LRP2BP: variants seen among roughly 807,000 people sequenced by gnomAD.
The protein encoded by LRP2BP is LRP2 binding protein, also known as LRP2-binding protein.
In LRP2BP, 38 loss-of-function variants were observed where a neutral mutation model predicts 45.2. The observed-to-expected ratio is 0.84, with a 90% CI of 0.65 to 1.10. LRP2BP has a LOEUF of 1.10. LRP2BP is among the 50% of genes least tolerant of loss of function. The pLI is 0.00. For missense variants in LRP2BP, 385 were observed against 418.9 expected, an observed-to-expected ratio of 0.92 and a Z score of 0.71; for synonymous variants, 153 against 153.9, an observed-to-expected ratio of 0.99 and a Z score of 0.04.
intron 3 of LRP2BP, among the ~76,000 whole-genome samples, chr4:185,376,412 G>A: frequency 6.6e-6 from 1 of 150,546 alleles, no homozygotes; most frequent in East Asian, 1.9e-4. Flanking sequence ...AAGTAGCTGG[G>A]ATTACAGATG....
chr4:185,387,465 A>C (rs529530289), intron 1 of LRP2BP, among the ~76,000 whole-genome samples: 47 of 152,286 alleles, frequency 3.1e-4, no homozygotes, highest in African/African-American at 1.1e-3. Context: ...AGTAAAATAT[A>C]ACACTGTTCA....
rs535740147 is a variant in LRP2BP, at chr4:185,377,947, A to G, written c.106+134T>C. On this transcript the variant is annotated intron_variant, in intron 2 of 8. Transcript: ENST00000505916. ...GCAATTTCACAGATTCTTGCGGGAA[A>G]ACTCAAAAGGACTAATGATTAACCA... 8 of 705,322 alleles carry G rather than the reference A, an allele frequency of 1.1e-5. No homozygotes were observed. In the South Asian group the frequency reaches 1.4e-4, roughly 12 times the overall value. The allele number at this position is 705,322 out of a possible 1,614,324, so 43.7% of individuals were successfully genotyped here. A position where few individuals can be genotyped will look rare whatever the true frequency, so the allele number is the denominator to read the frequency against.
intron 8 of LRP2BP, 25 bp downstream of exon 8, chr4:185,370,615 A>G: frequency 6.2e-7 from 1 of 1,605,352 alleles, no homozygotes; most frequent in Non-Finnish European, 8.5e-7. Context: ...CTTTGGGTGA[A>G]TTTATATTTT....
chr4:185,367,355 A>G (rs2095392210), intron 8 of LRP2BP, 110 bp from the exon 9 acceptor site: 1 of 920,346 alleles, frequency 1.1e-6, no homozygotes, highest in South Asian at 1.7e-5. Flanking sequence ...AAGTACAGTG[A>G]ATTTCAAGAA....
chr4:185,364,753 A>G lies in LRP2BP; in HGVS notation c.*2427T>C, dbSNP rs1185161357. The G allele has an allele frequency of 1.3e-5, 2 of 152,212 alleles. No homozygotes were observed. The highest frequency in any genetic ancestry group is 2.4e-5 in the African/African-American group (1 of 41,466). The allele number at this position is 152,212 out of a possible 1,614,324, so 9.4% of individuals were successfully genotyped here. On this transcript the variant is annotated 3_prime_UTR_variant, in exon 9 of 9. Coordinates refer to ENST00000505916, the MANE Select transcript of LRP2BP (RefSeq NM_001377440.1). ...GATAAAAATTATCCTTCAAAAGACT[A>G]TATAGAAAAGACCAGATAAAATACA...
At chr4:185,378,597 A>C in intron 1 of LRP2BP, 2 of 996,124 alleles carry the variant, frequency 2.0e-6, no homozygotes, top group Non-Finnish European at 2.4e-6. Flanking sequence ...TGTAACTGAC[A>C]CTCATCGGAC....
At chr4:185,370,945 C>G (rs1258900850) in intron 7 of LRP2BP, 131 bp from the exon 8 acceptor site, 1 of 996,944 alleles carries the variant, frequency 1.0e-6, no homozygotes, top group Non-Finnish European at 1.5e-6. Flanking sequence ...AAGTTGTTTG[C>G]TGTGTGGGGA....
chr4:185,382,298 G>C (rs1414611448), intron 1 of LRP2BP, among the ~76,000 whole-genome samples: 1 of 152,106 alleles, frequency 6.6e-6, no homozygotes, highest in African/African-American at 2.4e-5. Context: ...TCCAGCTTTG[G>C]CCTATTATGA....
At chr4:185,396,916 G>T (rs368996821), upstream of LRP2BP, 6 of 1,613,434 alleles carry the variant, frequency 3.7e-6, no homozygotes, top group African/African-American at 8.0e-5. Context: ...ATCTGCCTTA[G>T]GCGGGAAATG....
At chr4:185,379,050 C>G (rs2095447492) in intron 1 of LRP2BP, 8 of 843,652 alleles carry the variant, frequency 9.5e-6, no homozygotes, top group Non-Finnish European at 1.1e-5. Flanking sequence ...AAAAAAGGAA[C>G]ATTTAGTAGG....
rs78263214 is a variant in LRP2BP, at chr4:185,376,902, A to G, written c.216+7T>C. The G allele has an allele frequency of 2.6e-3, 4,145 of 1,591,542 alleles. 102 individuals carry two copies. The African/African-American group carries it at 0.05, about 19-fold the overall frequency. ...GGAAATGAAAACGAATAAACAAAAA[A>G]TGATACCTCTTCAAAATATAGTTGA... On this transcript the variant is annotated splice_region_variant and intron_variant, in intron 3 of 8. Transcript: ENST00000505916.
In LRP2BP at chr4:185,378,794, G is replaced by C. The variant is rs1055675869; in HGVS notation, c.-21-587C>G. On this transcript the variant is annotated intron_variant, in intron 1 of 8. Coordinates refer to ENST00000505916, the MANE Select transcript of LRP2BP (RefSeq NM_001377440.1). Reference sequence around the variant, plus strand: ...CCTCATTTGGGGTGAAGGAGTCCAGGTTGGCCTAGGCTGAGGGTAGTGAGA... The same window carrying C: ...CCTCATTTGGGGTGAAGGAGTCCAGCTTGGCCTAGGCTGAGGGTAGTGAGA... The C allele has an allele frequency of 3.0e-6, 3 of 985,324 alleles. No homozygotes were observed. The African/African-American group carries it at 5.2e-5, about 17-fold the overall frequency. The allele number at this position is 985,324 out of a possible 1,614,324, so 61.0% of individuals were successfully genotyped here.
At chr4:185,386,796 C>T (rs2095473014) in intron 1 of LRP2BP, among the ~76,000 whole-genome samples, 1 of 152,170 alleles carries the variant, frequency 6.6e-6, no homozygotes, top group Non-Finnish European at 1.5e-5. Context: ...AAAGGACTAG[C>T]TAGTGGTGAC....
At chr4:185,374,527 C>A in intron 4 of LRP2BP, 66 bp from the exon 5 acceptor site, 1 of 1,558,530 alleles carries the variant, frequency 6.4e-7, no homozygotes, top group East Asian at 2.2e-5. Flanking sequence ...TTTCTTTCTC[C>A]CAATAAGGCT....
At chr4:185,392,640 G>T (rs1223530515) in intron 1 of LRP2BP, among the ~76,000 whole-genome samples, 2 of 151,824 alleles carry the variant, frequency 1.3e-5, no homozygotes, top group African/African-American at 4.8e-5. Flanking sequence ...GGAAATTCCA[G>T]ATCTGGTTAT....
intron 7 of LRP2BP, among the ~76,000 whole-genome samples, chr4:185,371,459 G>A (rs370461788): frequency 2.7e-5 from 4 of 150,556 alleles, no homozygotes; most frequent in East Asian, 3.9e-4. Flanking sequence ...GGAGAATGGC[G>A]TGAACCCGGA....
intron 1 of LRP2BP, 175 bp from the exon 2 acceptor site, chr4:185,378,382 C>G: frequency 7.2e-7 from 1 of 1,393,044 alleles, no homozygotes. Flanking sequence ...CACCAAGACC[C>G]TCCTCCCTAG....
rs79393562 is a variant in LRP2BP at position 185,379,070 on chromosome 4, T to C, written c.-21-863A>G. 3.0e-3 allele frequency: 1,942 copies of C among 647,690 alleles called. 6 individuals are homozygous for C. The highest frequency in any genetic ancestry group is 4.4e-3 in the Admixed American group (69 of 15,836). 40.1% of individuals were successfully genotyped at this position (647,690 alleles called of 1,614,324 possible). On this transcript the variant is annotated intron_variant, in intron 1 of 8. Transcript: ENST00000505916. ...AGGAACATTTAGTAGGGGAAAAAAATCACTGAATTATCTTTGTGATTTTGG... is the reference window on the plus strand; with the variant it reads ...AGGAACATTTAGTAGGGGAAAAAAACCACTGAATTATCTTTGTGATTTTGG...
chr4:185,390,126 G>A (rs1014885801), intron 1 of LRP2BP, among the ~76,000 whole-genome samples: 1 of 152,056 alleles, frequency 6.6e-6, no homozygotes, highest in Non-Finnish European at 1.5e-5. Context: ...CATCTACTTC[G>A]AAACAAGTTT....
Sources: allele counts gnomAD v4.1 joint callset (sites outside exome capture counted in the v4.1 genomes callset), GRCh38; gene constraint gnomAD v4.1.1; transcripts MANE v1.5; gene names NCBI Gene and HGNC (gene_info 2026-07-23, HGNC 2026-07-21).